Variants in PTPRN2 observed in about 807,000 individuals in gnomAD.
PTPRN2 encodes protein tyrosine phosphatase receptor type N2.
In PTPRN2, 74 loss-of-function variants were observed where a neutral mutation model predicts 118.8. The observed-to-expected ratio is 0.62, with a 90% CI of 0.52 to 0.76. The LOEUF is 0.76. Among genes scored for constraint, PTPRN2 ranks in the 30% least tolerant of loss-of-function variants. The pLI, the probability that PTPRN2 is intolerant of heterozygous loss-of-function variation, is 0.00. For synonymous variants in PTPRN2, 641 were observed against 608.0 expected (o/e 1.05, Z -0.80); for missense variants, 1,481 against 1,394.4 (o/e 1.06, Z -0.99).
Position 157,977,875 on chromosome 7 carries a change from G to T in PTPRN2, c.1724-79138C>A, listed in dbSNP as rs1585124152. On this transcript the variant is annotated intron_variant, in intron 11 of 22. Transcript: ENST00000389418. This position sits in a 1 kb window ranked among gnomAD's most constrained non-coding sequence, Gnocchi z 4.6. ...ACTGGTGGCAGCTGGGACAAGAGTC[G>T]TGGCTGAGGAGGAGGGAAGGAGGTC... Among the ~76,000 whole-genome samples the T allele has an allele frequency of 1.3e-5, 2 of 151,944 alleles. No homozygotes were observed. Among genetic ancestry groups the T allele is most frequent in the South Asian group, 4.2e-4 (2 of 4,810 alleles).
intron 3 of PTPRN2, among the ~76,000 whole-genome samples, chr7:158,292,447 A>C: frequency 6.6e-6 from 1 of 152,280 alleles, no homozygotes; most frequent in Admixed American, 6.5e-5. Context: ...ATCAGAAAAG[A>C]AAATGCAAGC....
chr7:158,469,844 C>T (rs963245508), intron 2 of PTPRN2, among the ~76,000 whole-genome samples: 3 of 147,454 alleles, frequency 2.0e-5, no homozygotes, highest in Admixed American at 6.8e-5. Flanking sequence ...AATGGGCTGT[C>T]GCCATAACAG....
chr7:158,102,771 C>A (rs779254927), intron 10 of PTPRN2, among the ~76,000 whole-genome samples: 1 of 152,112 alleles, frequency 6.6e-6, no homozygotes, highest in African/African-American at 2.4e-5. Context: ...CACTTGCACA[C>A]TTCTCTGCAG....
At chr7:158,146,260 T>C (rs942569370) in intron 6 of PTPRN2, among the ~76,000 whole-genome samples, 1 of 152,116 alleles carries the variant, frequency 6.6e-6, no homozygotes, top group Admixed American at 6.6e-5. Flanking sequence ...AACTATTTTC[T>C]GCCAAAATAT....
chr7:158,376,660 C>G (rs1196946890), intron 2 of PTPRN2, among the ~76,000 whole-genome samples: 10 of 72,604 alleles, frequency 1.4e-4, no homozygotes, highest in African/African-American at 5.4e-4. Flanking sequence ...GTCCTGCATG[C>G]GGGGTCAGGG....
At chr7:158,262,211 C>G (rs1052703861) in intron 3 of PTPRN2, among the ~76,000 whole-genome samples, 1 of 152,218 alleles carries the variant, frequency 6.6e-6, no homozygotes, top group Non-Finnish European at 1.5e-5. Flanking sequence ...AACACAGACA[C>G]AAGCATACAC....
At chr7:157,796,723 G>A (rs567678300) in intron 12 of PTPRN2, among the ~76,000 whole-genome samples, 38 of 152,294 alleles carry the variant, frequency 2.5e-4, no homozygotes, top group African/African-American at 8.2e-4. Flanking sequence ...TTCCAGTCAC[G>A]GTGGAAGGCG....
intron 3 of PTPRN2, among the ~76,000 whole-genome samples, chr7:158,247,135 C>T (rs1037500378): frequency 1.3e-5 from 2 of 152,150 alleles, no homozygotes; most frequent in Admixed American, 1.3e-4. Context: ...GGCTGCCCAT[C>T]CCCATATCTG....
In PTPRN2 at chr7:158,151,514, T is replaced by TG. The variant is rs1563522262; in HGVS notation, c.911-13000_911-12999insC. ...CCCACACCGCCCGCCTTTCTGCTCC[T>TG]CACCGCACGTCCTACTCCAGGCGAT... On this transcript the variant is annotated intron_variant, in intron 6 of 22. Coordinates refer to ENST00000389418, the MANE Select transcript of PTPRN2 (RefSeq NM_002847.5). 6.8e-4 allele frequency among the ~76,000 whole-genome samples: 99 copies of TG among 146,194 alleles called. 1 individual carries two copies. The highest frequency in any genetic ancestry group is 3.5e-3 in the Middle Eastern group (1 of 288).
At chr7:158,163,809 G>A (rs928491430) in intron 6 of PTPRN2, among the ~76,000 whole-genome samples, 1 of 152,040 alleles carries the variant, frequency 6.6e-6, no homozygotes, top group South Asian at 2.1e-4. Flanking sequence ...CCTGTACGGG[G>A]TTCTCAATAT....
intron 2 of PTPRN2, among the ~76,000 whole-genome samples, chr7:158,335,419 C>G (rs2151187029): frequency 5.6e-5 from 1 of 17,794 alleles, no homozygotes; most frequent in East Asian, 1.1e-3. Context: ...CACACCCACA[C>G]TCTCAACCAT....
chr7:157,851,080 C>T (rs1205439283), intron 12 of PTPRN2, among the ~76,000 whole-genome samples: 2 of 152,194 alleles, frequency 1.3e-5, no homozygotes, highest in South Asian at 2.1e-4. Context: ...CATGGCCCCG[C>T]ACACCGGACT....
chr7:157,683,188 T>C (rs889940119), intron 12 of PTPRN2, among the ~76,000 whole-genome samples: 10 of 152,222 alleles, frequency 6.6e-5, no homozygotes, highest in African/African-American at 2.2e-4. Context: ...TTTCCTTCAG[T>C]GGTGGCTGTT....
At chr7:158,558,710 C>G (rs958050633) in intron 1 of PTPRN2, among the ~76,000 whole-genome samples, 5 of 150,364 alleles carry the variant, frequency 3.3e-5, no homozygotes, top group Admixed American at 6.6e-5. Context: ...AGTATTCACG[C>G]CAAGCCAGGC....
rs530351175 is a variant in PTPRN2 at position 158,246,042 on chromosome 7, G to A, written c.278-40769C>T. Among the ~76,000 whole-genome samples the A allele has an allele frequency of 9.9e-5, 15 of 152,058 alleles. No homozygotes were observed. In the East Asian group the frequency reaches 1.2e-3, roughly 12 times the overall value. Reference sequence around the variant, plus strand: ...CTCCCCACCTGCGACAATAAACACCGCATGATGTTACCCTCCAGGGATGAC... The same window carrying A: ...CTCCCCACCTGCGACAATAAACACCACATGATGTTACCCTCCAGGGATGAC... On this transcript the variant is annotated intron_variant, in intron 3 of 22. Transcript: ENST00000389418.
At position 157,779,531 on chromosome 7, in the gene PTPRN2, G is replaced by A. The variant is rs973606663; in HGVS notation, c.1789-96594C>T. Among the ~76,000 whole-genome samples, 19 of 152,186 alleles carry A rather than the reference G, an allele frequency of 1.2e-4. No individual in the cohort carries two copies. Among genetic ancestry groups the A allele is most frequent in the African/African-American group, 3.9e-4 (16 of 41,450 alleles). Reference sequence around the variant, plus strand: ...CCCTCCTCAGGCCAGTGCCCTCCACGTTGTCCCCAGCAGGGCGACGGAGGG... The same window carrying A: ...CCCTCCTCAGGCCAGTGCCCTCCACATTGTCCCCAGCAGGGCGACGGAGGG... On this transcript the variant is annotated intron_variant, in intron 12 of 22. Coordinates refer to ENST00000389418, the MANE Select transcript of PTPRN2 (RefSeq NM_002847.5). The surrounding 1 kb of genome is among the most constrained non-coding windows in gnomAD (Gnocchi z 4.7).
chr7:157,556,457 ACT>A (rs1358352494), intron 21 of PTPRN2, among the ~76,000 whole-genome samples: 2 of 149,184 alleles, frequency 1.3e-5, no homozygotes, highest in East Asian at 3.9e-4. Flanking sequence ...ATCACACAAC[ACT>A]CACACCCACA....
intron 3 of PTPRN2, among the ~76,000 whole-genome samples, chr7:158,247,976 G>A (rs1469661899): frequency 4.6e-5 from 7 of 152,122 alleles, no homozygotes; most frequent in Admixed American, 2.6e-4. Context: ...AGGAGCGGGA[G>A]GGGGAGGCCT....
At chr7:158,255,759 G>A (rs1336464755) in intron 3 of PTPRN2, among the ~76,000 whole-genome samples, 2 of 99,646 alleles carry the variant, frequency 2.0e-5, no homozygotes, top group Non-Finnish European at 3.7e-5. Context: ...CAAGCTCCTG[G>A]CCACTCTTTT....
Sources: allele counts gnomAD v4.1 joint callset (sites outside exome capture counted in the v4.1 genomes callset), GRCh38; gene constraint gnomAD v4.1.1; non-coding constraint Gnocchi (gnomAD v3.1); transcripts MANE v1.5; gene names NCBI Gene and HGNC (gene_info 2026-07-23, HGNC 2026-07-21).